Variants in SLC39A6 observed in about 807,000 individuals in gnomAD.
SLC39A6 encodes solute carrier family 39 member 6.
In SLC39A6, 51 loss-of-function variants were observed where a neutral mutation model predicts 63.5. The observed-to-expected ratio is 0.80, with a 90% CI of 0.64 to 1.01. The LOEUF is 1.01. SLC39A6 is among the 50% of genes least tolerant of loss of function. SLC39A6 has a pLI of 0.00. For synonymous variants in SLC39A6, 318 were observed against 324.7 expected, an observed-to-expected ratio of 0.98 and a Z score of 0.22; for missense variants, 805 against 927.8, an observed-to-expected ratio of 0.87 and a Z score of 1.72.
chr18:36,118,010 G>A (rs1162038108), intron 5 of SLC39A6, among the ~76,000 whole-genome samples: 2 of 146,308 alleles, frequency 1.4e-5, no homozygotes, highest in East Asian at 2.0e-4. Context: ...CAGCCGGGGC[G>A]ACAGAGTGAG....
intron 8 of SLC39A6, 88 bp downstream of exon 8, chr18:36,112,410 TGAA>T: frequency 1.1e-6 from 1 of 885,588 alleles, no homozygotes; most frequent in Non-Finnish European, 1.9e-6. Context: ...ATGAAATTGA[TGAA>T]GAAGCTTGCT....
intron 9 of SLC39A6, among the ~76,000 whole-genome samples, chr18:36,110,170 T>C (rs2089289788): frequency 6.6e-6 from 1 of 152,144 alleles, no homozygotes. Context: ...AATAATAAAA[T>C]ACAATTTTAG....
chr18:36,123,789 A>G, intron 3 of SLC39A6, 125 bp from the exon 4 acceptor site: 2 of 904,050 alleles, frequency 2.2e-6, no homozygotes, highest in South Asian at 1.9e-5. Flanking sequence ...CACAAATTCA[A>G]TGCAAATAGG....
rs373236002 is a variant in SLC39A6, at chr18:36,126,445, G to A, written c.563C>T (p.Thr188Ile). The stretch of plus-strand genomic sequence containing the variant: ...AGAGACAGTGTTGTACACAGTTGAG[G>A]TCACTTCACTAGCACTAACACTGTC... ...VKDSVSASEVTSTVYNTVSEG... is the reference protein window; with the variant it reads ...VKDSVSASEVISTVYNTVSEG... The change falls in exon 2 of 10, where the codon ACC becomes ATC. Residue 188 changes from threonine (T) to isoleucine (I), a missense_variant. Physicochemically the swap from Thr to Ile is moderately conservative, Grantham distance 89 (BLOSUM62 -1). Around this residue, in one of 4 missense-constraint regions of SLC39A6, gnomAD observed 639 missense variants for 644.0 expected, o/e 0.99. Coordinates refer to ENST00000269187, the MANE Select transcript of SLC39A6 (RefSeq NM_012319.4). 5 of 1,614,204 alleles carry A rather than the reference G, an allele frequency of 3.1e-6. No homozygotes were observed. The highest frequency in any genetic ancestry group is 2.7e-5 in the African/African-American group (2 of 75,066).
Position 36,126,685 on chromosome 18 carries a change from T to G in SLC39A6, c.323A>C (p.His108Pro), listed in dbSNP as rs368737240. 4 of 1,604,632 alleles carry G rather than the reference T, an allele frequency of 2.5e-6. No individual in the cohort carries two copies. The African/African-American group carries it at 5.3e-5, about 21-fold the overall frequency. Residue 108 changes from histidine (H) to proline (P), a missense_variant, in exon 2 of 10, where the codon CAT becomes CCT. By Grantham distance (77) the His-to-Pro change is moderately conservative. Coordinates refer to ENST00000269187, the MANE Select transcript of SLC39A6 (RefSeq NM_012319.4). ...ATGCTCATGGTCTGAGTGACGCTCA[T>G]GGTCTGAGTGATGCTCGTGGTCTGA... Reference protein sequence around the residue: ...HHSDHEHHSDHERHSDHEHHS... With the variant: ...HHSDHEHHSDPERHSDHEHHS...
At chr18:36,127,098 G>A (rs569347382) in intron 1 of SLC39A6, 82 bp from the exon 2 acceptor site, 1 of 1,236,602 alleles carries the variant, frequency 8.1e-7, no homozygotes, top group South Asian at 1.6e-5. Flanking sequence ...AAATTAATGT[G>A]TAATCAAATA....
At position 36,124,649 on chromosome 18, in the gene SLC39A6, G is replaced by A; in HGVS notation, c.841C>T (p.Pro281Ser). 1 of 1,583,074 alleles carries A rather than the reference G, an allele frequency of 6.3e-7. No individual in the cohort carries two copies. The highest frequency in any genetic ancestry group is 8.7e-7 in the Non-Finnish European group (1 of 1,155,162). Residue 281 changes from proline to serine, a missense_variant, in exon 3 of 10, where the codon CCG (proline) becomes TCG (serine). This residue lies in a region of SLC39A6 where 639 missense variants were observed against 644.0 expected (regional missense o/e 0.99). Coordinates refer to ENST00000269187, the MANE Select transcript of SLC39A6 (RefSeq NM_012319.4). ...LTSHGMGIQVPLNATEFNYLC... is the reference protein window; with the variant it reads ...LTSHGMGIQVSLNATEFNYLC... ...TAGTTGAACTCTGTTGCATTCAGCG[G>A]AACCTGGATGCCCATGCCATGAGAT... is the stretch of plus-strand genomic sequence containing the variant.
intron 5 of SLC39A6, among the ~76,000 whole-genome samples, chr18:36,118,417 G>A (rs1435872600): frequency 6.6e-6 from 1 of 152,152 alleles, no homozygotes; most frequent in East Asian, 1.9e-4. Flanking sequence ...TATTAAGAAT[G>A]TATAATAACA....
chr18:36,129,207 TC>T lies in SLC39A6; in HGVS notation c.-104del, dbSNP rs2089495700. 1 of 154,698 alleles carries T rather than the reference TC, an allele frequency of 6.5e-6. No homozygotes were observed. 9.6% of individuals were successfully genotyped at this position (154,698 alleles called of 1,614,324 possible). On this transcript the variant is annotated 5_prime_UTR_variant, in exon 1 of 10. Transcript: ENST00000269187. Reference sequence around the variant, plus strand: ...AGGGCTCGGAACGGGCCCACTGGTGTCTTCGAGAAATCTCTACCAGGCGCGA... The same window carrying T: ...AGGGCTCGGAACGGGCCCACTGGTGTTTCGAGAAATCTCTACCAGGCGCGA...
intron 9 of SLC39A6, among the ~76,000 whole-genome samples, chr18:36,110,687 T>A (rs1417519718): frequency 6.6e-6 from 1 of 152,072 alleles, no homozygotes; most frequent in African/African-American, 2.4e-5. Flanking sequence ...TACAGGCGCA[T>A]GCCACCAACC....
chr18:36,127,066 G>T, intron 1 of SLC39A6, 50 bp from the exon 2 acceptor site: 1 of 1,464,682 alleles, frequency 6.8e-7, no homozygotes, highest in Non-Finnish European at 9.2e-7. Context: ...AAAACAAATT[G>T]AATTAAGAAA....
chr18:36,110,684 G>A (rs117379019), intron 9 of SLC39A6, among the ~76,000 whole-genome samples: 2,627 of 152,104 alleles, frequency 0.017, 38 homozygotes, highest in South Asian at 0.035. Context: ...GACTACAGGC[G>A]CATGCCACCA....
At chr18:36,119,961 T>C (rs926635383) in intron 5 of SLC39A6, among the ~76,000 whole-genome samples, 3 of 151,984 alleles carry the variant, frequency 2.0e-5, no homozygotes, top group Non-Finnish European at 2.9e-5. Context: ...GAAATTGAAA[T>C]GAGAATGTTA....
intron 2 of SLC39A6, among the ~76,000 whole-genome samples, chr18:36,125,795 G>A (rs905020349): frequency 6.6e-6 from 1 of 151,742 alleles, no homozygotes; most frequent in African/African-American, 2.4e-5. Context: ...CTGTCAAGGA[G>A]GCAGCAGTGG....
At chr18:36,115,526 T>G (rs1017163725) in intron 6 of SLC39A6, among the ~76,000 whole-genome samples, 4 of 151,880 alleles carry the variant, frequency 2.6e-5, no homozygotes, top group Non-Finnish European at 5.9e-5. Context: ...CTAGGCACAG[T>G]GGCTCATGCC....
At chr18:36,117,467 C>T (rs1003821208) in intron 5 of SLC39A6, among the ~76,000 whole-genome samples, 1 of 152,190 alleles carries the variant, frequency 6.6e-6, no homozygotes, top group African/African-American at 2.4e-5. Flanking sequence ...CTGAATTCAT[C>T]ACTGGGCTTT....
In SLC39A6 at chr18:36,122,614, A is replaced by G. The variant is rs781053811; in HGVS notation, c.1141-344T>C. Among the ~76,000 whole-genome samples the G allele has an allele frequency of 5.3e-5, 8 of 152,102 alleles. No homozygotes were observed. The East Asian group carries it at 7.7e-4, about 15-fold the overall frequency. ...GCTTATTTTCCCAACTGAAAAGCCC[A>G]TACCAATGTCATCACACTAGCATTG... On this transcript the variant is annotated intron_variant, in intron 4 of 9. Coordinates refer to ENST00000269187, the MANE Select transcript of SLC39A6 (RefSeq NM_012319.4).
At chr18:36,118,012 C>A (rs2089361795) in intron 5 of SLC39A6, among the ~76,000 whole-genome samples, 2 of 145,064 alleles carry the variant, frequency 1.4e-5, no homozygotes, top group Admixed American at 7.1e-5. Flanking sequence ...GCCGGGGCGA[C>A]AGAGTGAGAC....
intron 5 of SLC39A6, among the ~76,000 whole-genome samples, 197 bp from the exon 6 acceptor site, chr18:36,116,976 C>T (rs1205126441): frequency 2.0e-5 from 3 of 152,208 alleles, no homozygotes; most frequent in African/African-American, 7.2e-5. Flanking sequence ...CGGCGGCTCA[C>T]GCCTGTAATC....
Sources: gnomAD v4.1 joint callset for allele counts (sites outside exome capture counted in the v4.1 genomes callset) on GRCh38, gnomAD v4.1.1 for gene constraint, gnomAD v4.1.1 regional missense constraint, MANE v1.5 for transcripts, NCBI Gene and HGNC (gene_info 2026-07-23, HGNC 2026-07-21) for gene names.